Variants in MPG observed in about 807,000 individuals in gnomAD.
The protein encoded by MPG is N-methylpurine DNA glycosylase.
Under a neutral mutation model 31.7 loss-of-function variants are expected in MPG, and 33 were observed. The ratio of observed to expected loss-of-function variants is 1.04; its 90% CI spans 0.79 to 1.39. The LOEUF (loss-of-function observed/expected upper bound fraction) is 1.39, where lower values mean the gene tolerates loss of function less well. Ranked by LOEUF, MPG falls within the 40% of genes most tolerant of loss-of-function variation. MPG has a pLI of 0.00. For synonymous variants in MPG, 202 were observed against 169.2 expected (o/e 1.19, Z -1.51); for missense variants, 455 against 415.5 (o/e 1.10, Z -0.83).
Position 85,386 on chromosome 16 carries a change from C to T in MPG, c.506-15C>T. 6.3e-7 allele frequency: 1 copy of T among 1,586,284 alleles called. No individual in the cohort carries two copies. Among genetic ancestry groups the T allele is most frequent in the East Asian group, 2.2e-5 (1 of 44,528 alleles). On this transcript the variant is annotated splice_polypyrimidine_tract_variant and intron_variant, in intron 3 of 3. Transcript: ENST00000356432. ...AGCCTAGGGAGGCTCCACTTCCAAACTGTCCGTCCCACAGGGGACGGGGCT... is the reference window on the plus strand; with the variant it reads ...AGCCTAGGGAGGCTCCACTTCCAAATTGTCCGTCCCACAGGGGACGGGGCT...
chr16:82,727 A>G (rs1429153309), intron 2 of MPG, among the ~76,000 whole-genome samples: 1 of 152,166 alleles, frequency 6.6e-6, no homozygotes, highest in Non-Finnish European at 1.5e-5. Flanking sequence ...AATCTGGGGA[A>G]TGGAGGGTCC....
upstream of MPG, chr16:78,212 G>A (rs1898141669): frequency 1.7e-6 from 2 of 1,149,232 alleles, no homozygotes; most frequent in African/African-American, 1.6e-5. Flanking sequence ...CTGCGCAGGC[G>A]CCGCTCCGCC....
At chr16:83,972 A>G in intron 3 of MPG, among the ~76,000 whole-genome samples, 1 of 151,940 alleles carries the variant, frequency 6.6e-6, no homozygotes, top group Non-Finnish European at 1.5e-5. Context: ...GAGGAAAGGG[A>G]GGTTTGGCAG....
Position 78,249 on chromosome 16 carries a change from G to A in MPG, c.-61G>A. On this transcript the variant is annotated 5_prime_UTR_variant, in exon 1 of 4. Coordinates refer to ENST00000356432, the MANE Select transcript of MPG (RefSeq NM_001015052.3). ...CGGTCCTAGGGGTGCTTCCGTGGTC[G>A]GCGGCTGCTGGGCTCCGCGCCGGGG... The A allele has an allele frequency of 2.2e-6, 3 of 1,362,792 alleles. No individual in the cohort carries two copies. In the South Asian group the frequency reaches 4.6e-5, roughly 21 times the overall value. 84.4% of individuals were successfully genotyped at this position (1,362,792 alleles called of 1,614,324 possible). A position where few individuals can be genotyped will look rare whatever the true frequency, so the allele number is the denominator to read the frequency against.
intron 1 of MPG, 125 bp downstream of exon 1, chr16:78,458 G>T: frequency 1.1e-6 from 1 of 887,076 alleles, no homozygotes; most frequent in Non-Finnish European, 1.4e-6. Flanking sequence ...AGGGTTCGGG[G>T]CAGAGCCAGA....
chr16:78,337 AGC>A lies in MPG; in HGVS notation c.24+11_24+12del, dbSNP rs1473115197. Reference sequence around the variant, plus strand: ...GCCCGCGCGCAGCGGGGCCCAGGTGAGCGCGCGCCTCGGCCGCCCCGCGGAAC... The same window carrying A: ...GCCCGCGCGCAGCGGGGCCCAGGTGAGCGCGCCTCGGCCGCCCCGCGGAAC... On this transcript the variant is annotated splice_donor_5th_base_variant and intron_variant, in intron 1 of 3. Coordinates refer to ENST00000356432, the MANE Select transcript of MPG (RefSeq NM_001015052.3). 1 of 1,260,664 alleles carries A rather than the reference AGC, an allele frequency of 7.9e-7. No homozygotes were observed. Among genetic ancestry groups the A allele is most frequent in the Non-Finnish European group, 1.0e-6 (1 of 1,003,316 alleles). The allele number at this position is 1,260,664 out of a possible 1,614,324, so 78.1% of individuals were successfully genotyped here. A position where few individuals can be genotyped will look rare whatever the true frequency, so the allele number is the denominator to read the frequency against.
At chr16:84,612 A>T (rs1834614205) in intron 3 of MPG, 1 of 152,310 alleles carries the variant, frequency 6.6e-6, no homozygotes, top group Admixed American at 6.5e-5. Flanking sequence ...GGCAGAGGGA[A>T]TTCGGGTATC....
At chr16:81,856 C>T (rs1416059490) in intron 2 of MPG, among the ~76,000 whole-genome samples, 1 of 95,456 alleles carries the variant, frequency 1.0e-5, no homozygotes, top group Non-Finnish European at 2.3e-5. Flanking sequence ...ATGCTCCCGG[C>T]GCTGACCCCT....
chr16:82,313 T>C (rs1898272908), intron 2 of MPG, among the ~76,000 whole-genome samples: 1 of 152,210 alleles, frequency 6.6e-6, no homozygotes, highest in Non-Finnish European at 1.5e-5. Context: ...ACCATGGCCT[T>C]TGGCACCACA....
intron 2 of MPG, among the ~76,000 whole-genome samples, chr16:81,596 T>C (rs183233096): frequency 6.6e-6 from 1 of 150,520 alleles, no homozygotes; most frequent in East Asian, 1.9e-4. Context: ...CCCACCACCC[T>C]ATCTCCAGGA....
chr16:78,599 C>T (rs1182796931), intron 1 of MPG, among the ~76,000 whole-genome samples: 1 of 152,198 alleles, frequency 6.6e-6, no homozygotes, highest in African/African-American at 2.4e-5. Flanking sequence ...GGCCGACTGG[C>T]AGTCTCCGTT....
chr16:84,280 C>T (rs983962348), intron 3 of MPG: 4 of 152,304 alleles, frequency 2.6e-5, no homozygotes, highest in African/African-American at 7.2e-5. Context: ...CTTTGCTTGG[C>T]CTGGATTTTA....
upstream of MPG, chr16:77,925 T>TAGCC (rs1040151745): frequency 3.3e-5 from 5 of 153,554 alleles, 1 homozygote; most frequent in Admixed American, 2.7e-4. Flanking sequence ...GACCACCGGC[T>TAGCC]GGTGGAGTGG....
chr16:82,294 G>A (rs1036252852), intron 2 of MPG, among the ~76,000 whole-genome samples: 2 of 152,136 alleles, frequency 1.3e-5, no homozygotes, highest in African/African-American at 2.4e-5. Context: ...TCCCCAGCCC[G>A]TGATACTGAC....
At position 80,197 on chromosome 16, in the gene MPG, A is replaced by C. The variant is rs3176396; in HGVS notation, c.300+497A>C. On this transcript the variant is annotated intron_variant, in intron 2 of 3. Coordinates refer to ENST00000356432, the MANE Select transcript of MPG (RefSeq NM_001015052.3). The stretch of plus-strand genomic sequence containing the variant: ...CCCAGGTCCCATCCTGGTGGGGCCT[A>C]CGGTGCAGCCTGTCCCCACGAGCAG... Among the ~76,000 whole-genome samples the C allele has an allele frequency of 9.9e-5, 15 of 152,038 alleles. No homozygotes were observed. In the East Asian group the frequency reaches 2.9e-3, roughly 29 times the overall value.
intron 1 of MPG, among the ~76,000 whole-genome samples, 155 bp downstream of exon 1, chr16:78,488 C>T (rs1898152525): frequency 6.6e-6 from 1 of 152,138 alleles, no homozygotes; most frequent in Non-Finnish European, 1.5e-5. Flanking sequence ...AAGGGCCAAG[C>T]TCGGGCCGAG....
upstream of MPG, among the ~76,000 whole-genome samples, chr16:77,427 G>C (rs1031375861): frequency 1.3e-5 from 2 of 152,172 alleles, no homozygotes; most frequent in African/African-American, 4.8e-5. Flanking sequence ...GATCTGACTT[G>C]AGAGGTTGTG....
chr16:81,505 C>A (rs1212806335), intron 2 of MPG, among the ~76,000 whole-genome samples: 6 of 152,136 alleles, frequency 3.9e-5, no homozygotes, highest in Non-Finnish European at 8.8e-5. Flanking sequence ...CCTGGCCAAG[C>A]CTGGCCTGTT....
intron 2 of MPG, 117 bp from the exon 3 acceptor site, chr16:82,935 G>A: frequency 2.3e-6 from 2 of 866,512 alleles, no homozygotes; most frequent in Non-Finnish European, 1.8e-6. Flanking sequence ...AAGGTCCCTG[G>A]CTAGACCTGG....
Sources: allele counts gnomAD v4.1 joint callset (sites outside exome capture counted in the v4.1 genomes callset), GRCh38; gene constraint gnomAD v4.1.1; transcripts MANE v1.5; gene names NCBI Gene and HGNC (gene_info 2026-07-23, HGNC 2026-07-21).